SGCD: variants seen among roughly 807,000 people sequenced by gnomAD.
The protein encoded by SGCD is sarcoglycan delta.
In SGCD, 18 loss-of-function variants were observed where a neutral mutation model predicts 36.6. The ratio of observed to expected loss-of-function variants is 0.49; its 90% confidence interval spans 0.34 to 0.73. The LOEUF is 0.73. Among genes scored for constraint, SGCD ranks in the 30% least tolerant of loss-of-function variants. The pLI, the probability that SGCD is intolerant of heterozygous loss-of-function variation, is 0.01. For missense variants in SGCD, 387 were observed against 346.7 expected, an observed-to-expected ratio of 1.12 and a Z score of -0.92; for synonymous variants, 133 against 130.6, an observed-to-expected ratio of 1.02 and a Z score of -0.12.
rs1027672398 is a variant in SGCD at position 156,240,171 on chromosome 5, A to G, written c.-43-89363A>G. On this transcript the variant is annotated intron_variant, in intron 3 of 9. Coordinates refer to the SGCD transcript ENST00000517913. ...ATTATTTTAGTGTAATGTGTGGGACAAACAAAGCTCATTTATTGTCTGTAT... is the reference window on the plus strand; with the variant it reads ...ATTATTTTAGTGTAATGTGTGGGACGAACAAAGCTCATTTATTGTCTGTAT... 4.6e-5 allele frequency among the ~76,000 whole-genome samples: 7 copies of G among 152,334 alleles called. No individual in the cohort carries two copies. The East Asian group carries it at 9.6e-4, about 21-fold the overall frequency.
At chr5:155,815,480 G>A in the SGCD span, among the ~76,000 whole-genome samples, 18 of 152,274 alleles carry the variant, frequency 1.2e-4, no homozygotes, top group African/African-American at 3.9e-4. Context: ...GCAGTAAAGT[G>A]TTATATTAGT....
intron 3 of SGCD, among the ~76,000 whole-genome samples, chr5:156,125,487 G>T (rs974670485): frequency 6.6e-6 from 1 of 151,988 alleles, no homozygotes; most frequent in African/African-American, 2.4e-5. Context: ...TGATTGAGCT[G>T]TGATGTTCAC....
chr5:155,874,125 A>G (rs1406539395), intron 1 of SGCD, among the ~76,000 whole-genome samples: 1 of 152,122 alleles, frequency 6.6e-6, no homozygotes, highest in Non-Finnish European at 1.5e-5. Flanking sequence ...TTTTCTGTGT[A>G]AATTTTTCAA....
the SGCD span, among the ~76,000 whole-genome samples, chr5:155,736,820 A>G: frequency 7.9e-5 from 12 of 151,584 alleles, no homozygotes; most frequent in South Asian, 2.6e-3. Context: ...CAGTAACTTG[A>G]TGTTGTGGTT....
intron 3 of SGCD, among the ~76,000 whole-genome samples, chr5:156,139,461 G>A (rs529482762): frequency 9.2e-5 from 14 of 151,986 alleles, no homozygotes; most frequent in Non-Finnish European, 1.9e-4. Context: ...TTGTTTCTCT[G>A]CTTCTCTTAC....
At chr5:155,917,934 T>G (rs1756789230) in intron 1 of SGCD, among the ~76,000 whole-genome samples, 2 of 152,094 alleles carry the variant, frequency 1.3e-5, no homozygotes. Flanking sequence ...GAAGCAGGAG[T>G]TAATGGTTTC....
At chr5:156,221,432 C>A (rs1048559556) in intron 3 of SGCD, among the ~76,000 whole-genome samples, 4 of 151,956 alleles carry the variant, frequency 2.6e-5, no homozygotes, top group African/African-American at 9.7e-5. Context: ...ATAAGAATTA[C>A]AACTTAGCTT....
chr5:156,472,436 G>C (rs751587113), intron 3 of SGCD, among the ~76,000 whole-genome samples: 1 of 151,168 alleles, frequency 6.6e-6, no homozygotes, highest in East Asian at 1.9e-4. Context: ...TTTTCTTTTC[G>C]AGGCCGAGTC....
At chr5:156,077,213 A>G (rs1760809127) in intron 1 of SGCD, among the ~76,000 whole-genome samples, 1 of 152,134 alleles carries the variant, frequency 6.6e-6, no homozygotes, top group South Asian at 2.1e-4. Flanking sequence ...TCTAAGATTA[A>G]GGTGCCACGT....
intron 1 of SGCD, among the ~76,000 whole-genome samples, chr5:156,075,242 A>C (rs1441989360): frequency 6.6e-6 from 1 of 152,246 alleles, no homozygotes; most frequent in Non-Finnish European, 1.5e-5. Flanking sequence ...GTCTCAACAC[A>C]ATGTATACCT....
At chr5:155,917,791 AGAG>A (rs1282735843) in intron 1 of SGCD, among the ~76,000 whole-genome samples, 1 of 152,166 alleles carries the variant, frequency 6.6e-6, no homozygotes. Context: ...TTCTGTTCCC[AGAG>A]AAGGAGTTCT....
chr5:156,635,905 G>A (rs1013154495), intron 6 of SGCD, among the ~76,000 whole-genome samples: 1 of 151,234 alleles, frequency 6.6e-6, no homozygotes, highest in African/African-American at 2.4e-5. Flanking sequence ...GGAGGCGGGA[G>A]GGATAGCATT....
intron 1 of SGCD, among the ~76,000 whole-genome samples, chr5:156,037,738 G>A (rs1232688986): frequency 6.6e-6 from 1 of 152,168 alleles, no homozygotes; most frequent in Non-Finnish European, 1.5e-5. Flanking sequence ...TGCAGACACA[G>A]GTCTTGCACG....
chr5:155,860,487 A>C, the SGCD span, among the ~76,000 whole-genome samples: 1 of 152,234 alleles, frequency 6.6e-6, no homozygotes, highest in Non-Finnish European at 1.5e-5. Flanking sequence ...TCCAGTAGTG[A>C]TTAGAATTAG....
At chr5:155,788,582 A>G in the SGCD span, among the ~76,000 whole-genome samples, 2 of 152,198 alleles carry the variant, frequency 1.3e-5, no homozygotes, top group African/African-American at 4.8e-5. Flanking sequence ...GTATCACTTT[A>G]AGATACTATG....
chr5:156,620,478 G>A (rs1338998402), intron 6 of SGCD, among the ~76,000 whole-genome samples: 3 of 152,198 alleles, frequency 2.0e-5, no homozygotes, highest in African/African-American at 4.8e-5. Flanking sequence ...CAAAATATAC[G>A]ATAGAACTTG....
intron 3 of SGCD, among the ~76,000 whole-genome samples, chr5:156,408,194 T>C (rs1772525915): frequency 6.6e-6 from 1 of 152,168 alleles, no homozygotes. Flanking sequence ...GAGTGTTTCT[T>C]GAAGCTTTAA....
intron 3 of SGCD, among the ~76,000 whole-genome samples, chr5:156,219,167 C>T (rs1764655220): frequency 6.6e-6 from 1 of 152,152 alleles, no homozygotes; most frequent in African/African-American, 2.4e-5. Flanking sequence ...TACTTTGCAA[C>T]CTTGCGAAAC....
At chr5:155,954,670 T>C (rs28459094) in intron 1 of SGCD, among the ~76,000 whole-genome samples, 12,935 of 151,836 alleles carry the variant, frequency 0.085, 1,818 homozygotes, top group African/African-American at 0.3. Context: ...GAGTAGTGTC[T>C]TTACCAACTT....
Sources: gnomAD v4.1 joint callset for allele counts (sites outside exome capture counted in the v4.1 genomes callset) on GRCh38, gnomAD v4.1.1 for gene constraint, MANE v1.5 for transcripts, NCBI Gene and HGNC (gene_info 2026-07-23, HGNC 2026-07-21) for gene names.